Variants in SUPT3H observed in about 807,000 individuals in gnomAD.
SUPT3H encodes SPT3 homolog, SAGA and STAGA complex component, also known as transcription initiation protein SPT3 homolog.
Under a neutral mutation model 44.3 loss-of-function variants are expected in SUPT3H, and 44 were observed. The observed-to-expected ratio is 0.99, with a 90% CI of 0.78 to 1.28. The LOEUF is 1.28. Among genes scored for constraint, SUPT3H ranks in the 50% most tolerant of loss-of-function variants. The probability of loss-of-function intolerance (pLI) is 0.00; values close to 1 mark genes in which losing one functional copy is unlikely to be tolerated. For missense variants in SUPT3H, 380 were observed against 387.1 expected (o/e 0.98, Z 0.15); for synonymous variants, 124 against 125.6 (o/e 0.99, Z 0.09).
chr6:45,235,465 G>A (rs1768912424), intron 2 of SUPT3H, among the ~76,000 whole-genome samples: 1 of 151,830 alleles, frequency 6.6e-6, no homozygotes, highest in Non-Finnish European at 1.5e-5. Context: ...ACAGAAAAAT[G>A]TAATATATGT....
intron 6 of SUPT3H, among the ~76,000 whole-genome samples, chr6:44,994,797 G>C (rs1781060641): frequency 6.6e-6 from 1 of 152,108 alleles, no homozygotes; most frequent in Non-Finnish European, 1.5e-5. Flanking sequence ...AAGCAGAATA[G>C]GGAATTGGAG....
chr6:44,921,436 G>C (rs1242412609), intron 10 of SUPT3H, among the ~76,000 whole-genome samples: 1 of 152,200 alleles, frequency 6.6e-6, no homozygotes, highest in Non-Finnish European at 1.5e-5. Context: ...CAAGCTGGTT[G>C]TGTGAACGAT....
In SUPT3H at chr6:44,833,712, A is replaced by C. The variant is rs190469769; in HGVS notation, c.913-3855T>G. Among the ~76,000 whole-genome samples the C allele has an allele frequency of 4.6e-5, 7 of 152,240 alleles. No homozygotes were observed. The East Asian group carries it at 1.4e-3, about 29-fold the overall frequency. ...TAGTAAAAGAGTAGATTTTGGATTT[A>C]AAACCCAGGGCCTGTGTTCTTTTCA... On this transcript the variant is annotated intron_variant, in intron 10 of 10. Coordinates refer to ENST00000371459, the MANE Select transcript of SUPT3H (RefSeq NM_003599.4).
intron 2 of SUPT3H, among the ~76,000 whole-genome samples, chr6:45,113,128 A>AT (rs1562484412): frequency 1.3e-5 from 2 of 150,474 alleles, no homozygotes; most frequent in Non-Finnish European, 3.0e-5. Context: ...CGTTCAAAGC[A>AT]TTTTTTGATT....
intron 10 of SUPT3H, among the ~76,000 whole-genome samples, chr6:44,903,980 GC>G (rs1765551442): frequency 6.6e-6 from 1 of 152,044 alleles, no homozygotes; most frequent in Non-Finnish European, 1.5e-5. Context: ...AAATTCAACA[GC>G]CCTTCATCCT....
At chr6:44,945,308 C>A (rs1049191015) in intron 9 of SUPT3H, among the ~76,000 whole-genome samples, 3 of 152,148 alleles carry the variant, frequency 2.0e-5, no homozygotes, top group Non-Finnish European at 4.4e-5. Flanking sequence ...AATAACCCTA[C>A]AATGGCCCCT....
chr6:44,962,697 A>G lies in SUPT3H; in HGVS notation c.505-869T>C, dbSNP rs538763150. Among the ~76,000 whole-genome samples the G allele has an allele frequency of 1.1e-4, 16 of 152,276 alleles. No homozygotes were observed. In the South Asian group the frequency reaches 3.3e-3, roughly 32 times the overall value. On this transcript the variant is annotated intron_variant, in intron 6 of 10. Transcript: ENST00000371459. ...GATGTTTTTGTATTTTTGAAATAGA[A>G]ATTATTCTTTTTTCTTTTATTTGTG...
At chr6:45,230,393 T>C (rs1309570309) in intron 2 of SUPT3H, among the ~76,000 whole-genome samples, 3 of 152,050 alleles carry the variant, frequency 2.0e-5, no homozygotes, top group African/African-American at 7.2e-5. Context: ...ATTTTTGCTT[T>C]ATGAACCTGC....
intron 2 of SUPT3H, among the ~76,000 whole-genome samples, chr6:45,334,721 A>G (rs1788212075): frequency 6.6e-6 from 1 of 151,170 alleles, no homozygotes; most frequent in Admixed American, 6.6e-5. Context: ...ATGCATTCAC[A>G]CCAATGACTA....
rs1477511582 is a variant in SUPT3H at position 45,377,931 on chromosome 6, G to C, written c.-164C>G. 1 of 152,272 alleles carries C rather than the reference G, an allele frequency of 6.6e-6. No homozygotes were observed. The highest frequency in any genetic ancestry group is 1.9e-4 in the East Asian group (1 of 5,138). The allele number at this position is 152,272 out of a possible 1,614,324, so 9.4% of individuals were successfully genotyped here. ...TAGAAAGGGAAAAGGTGACTCGGCT[G>C]TGTGACGGGGCGATGGGGGGGGTAC... is the stretch of plus-strand genomic sequence containing the variant. On this transcript the variant is annotated 5_prime_UTR_variant, in exon 1 of 11. Transcript: ENST00000371459.
intron 10 of SUPT3H, among the ~76,000 whole-genome samples, chr6:44,879,480 G>C (rs1220622956): frequency 6.6e-6 from 1 of 152,216 alleles, no homozygotes; most frequent in Non-Finnish European, 1.5e-5. Context: ...TCTAGGGGAA[G>C]GGGTGGATGT....
At chr6:45,283,264 G>C (rs1395602609) in intron 2 of SUPT3H, among the ~76,000 whole-genome samples, 1 of 152,024 alleles carries the variant, frequency 6.6e-6, no homozygotes, top group Non-Finnish European at 1.5e-5. Context: ...ATGGGCTAAA[G>C]GCTCCAATTA....
At chr6:45,273,440 T>C (rs2153662950) in intron 2 of SUPT3H, among the ~76,000 whole-genome samples, 1 of 152,300 alleles carries the variant, frequency 6.6e-6, no homozygotes, top group Non-Finnish European at 1.5e-5. Flanking sequence ...TAGTTCTTGC[T>C]TCAACTTGGG....
chr6:45,047,258 G>T (rs2153533748), intron 3 of SUPT3H, among the ~76,000 whole-genome samples: 1 of 152,238 alleles, frequency 6.6e-6, no homozygotes, highest in Non-Finnish European at 1.5e-5. Flanking sequence ...TTGGTGAAAG[G>T]AGCATCCTTG....
chr6:45,001,570 T>C (rs1317419350), intron 6 of SUPT3H, among the ~76,000 whole-genome samples: 1 of 152,082 alleles, frequency 6.6e-6, no homozygotes, highest in Admixed American at 6.6e-5. Context: ...CTGTTTTTTG[T>C]ATGTTTGCTC....
At chr6:44,961,520 C>G (rs1776017196) in intron 7 of SUPT3H, among the ~76,000 whole-genome samples, 1 of 152,246 alleles carries the variant, frequency 6.6e-6, no homozygotes, top group Non-Finnish European at 1.5e-5. Context: ...CCATAGCACT[C>G]TGTATATTAC....
intron 2 of SUPT3H, among the ~76,000 whole-genome samples, chr6:45,327,134 G>C (rs910951453): frequency 5.3e-5 from 8 of 151,908 alleles, no homozygotes; most frequent in Admixed American, 4.0e-4. Context: ...GGGCAAAAAA[G>C]GAGATAGTTT....
rs540689656 is a variant in SUPT3H, at chr6:45,179,803, C to T, written c.102-73797G>A. Reference sequence around the variant, plus strand: ...AAACTGGAAGCATTCCCTTTGAAAACTGGCACAAGACAGGGATGCCCTCTC... The same window carrying T: ...AAACTGGAAGCATTCCCTTTGAAAATTGGCACAAGACAGGGATGCCCTCTC... On this transcript the variant is annotated intron_variant, in intron 2 of 10. Coordinates refer to ENST00000371459, the MANE Select transcript of SUPT3H (RefSeq NM_003599.4). Among the ~76,000 whole-genome samples the T allele has an allele frequency of 3.9e-5, 6 of 152,288 alleles. No individual in the cohort carries two copies. The East Asian group carries it at 9.7e-4, about 24-fold the overall frequency.
rs1195862801 is a variant in SUPT3H at position 45,026,475 on chromosome 6, T to A, written c.187-5843A>T. On this transcript the variant is annotated intron_variant, in intron 3 of 10. Transcript: ENST00000371459. ...GTAATAATAGTGGCCATATATTGTG[T>A]CCCTAATTTGTGCCAGGTGCTGTGC... Among the ~76,000 whole-genome samples the A allele has an allele frequency of 3.3e-5, 5 of 152,274 alleles. No homozygotes were observed. The East Asian group carries it at 9.6e-4, about 29-fold the overall frequency.
Sources: allele counts gnomAD v4.1 joint callset (sites outside exome capture counted in the v4.1 genomes callset), GRCh38; gene constraint gnomAD v4.1.1; transcripts MANE v1.5; gene names NCBI Gene and HGNC (gene_info 2026-07-23, HGNC 2026-07-21).